The following ZCWPW2 variants were observed in gnomAD, a reference collection of about 807,000 sequenced individuals.
The protein encoded by ZCWPW2 is zinc finger CW-type PWWP domain protein 2.
In ZCWPW2, 45 loss-of-function variants were observed where a neutral mutation model predicts 46.6. The observed-to-expected ratio is 0.96, with a 90% CI of 0.76 to 1.24. The LOEUF (loss-of-function observed/expected upper bound fraction) is 1.24. Among genes scored for constraint, ZCWPW2 ranks in the 50% most tolerant of loss-of-function variants. ZCWPW2 has a pLI of 0.00. For synonymous variants in ZCWPW2, 152 were observed against 137.1 expected, an observed-to-expected ratio of 1.11 and a Z score of -0.76; for missense variants, 429 against 403.9, an observed-to-expected ratio of 1.06 and a Z score of -0.53.
intron 1 of ZCWPW2, among the ~76,000 whole-genome samples, chr3:28,353,118 A>G (rs1237177037): frequency 6.6e-6 from 1 of 152,082 alleles, no homozygotes; most frequent in Non-Finnish European, 1.5e-5. Flanking sequence ...CAGGAGGCAG[A>G]GGCCACAGTG....
At chr3:28,481,476 C>G (rs1419552875) in intron 5 of ZCWPW2, among the ~76,000 whole-genome samples, 1 of 152,152 alleles carries the variant, frequency 6.6e-6, no homozygotes, top group East Asian at 1.9e-4. Context: ...CTCCTGACCT[C>G]AGGTGATCCA....
chr3:28,389,919 AC>A (rs746157601), intron 1 of ZCWPW2, among the ~76,000 whole-genome samples: 3 of 152,156 alleles, frequency 2.0e-5, no homozygotes, highest in Non-Finnish European at 4.4e-5. Flanking sequence ...AATGAGAACC[AC>A]CCACATTATG....
At chr3:28,380,826 C>A (rs905514903) in intron 1 of ZCWPW2, among the ~76,000 whole-genome samples, 6 of 149,422 alleles carry the variant, frequency 4.0e-5, no homozygotes, top group African/African-American at 1.5e-4. Flanking sequence ...CTGTTCCCAC[C>A]CAAGGCCAAA....
chr3:28,362,233 C>T (rs1273446963), intron 1 of ZCWPW2, among the ~76,000 whole-genome samples: 1 of 151,942 alleles, frequency 6.6e-6, no homozygotes, highest in Non-Finnish European at 1.5e-5. Context: ...TCTTGAGATC[C>T]ATTGTACAAC....
At chr3:28,430,426 C>A (rs1438486259) in intron 3 of ZCWPW2, among the ~76,000 whole-genome samples, 7 of 152,220 alleles carry the variant, frequency 4.6e-5, no homozygotes, top group Non-Finnish European at 1.0e-4. Context: ...TAAGAATTAA[C>A]TAACTTGCTT....
At chr3:28,520,919 G>A (rs953867043) in intron 8 of ZCWPW2, 73 bp from the exon 9 acceptor site, 25 of 1,548,738 alleles carry the variant, frequency 1.6e-5, no homozygotes, top group Admixed American at 1.5e-4. Context: ...TTCTTTCTGG[G>A]TAGTTAAGAT....
At chr3:28,370,517 CAAAT>C (rs1030743404) in intron 1 of ZCWPW2, among the ~76,000 whole-genome samples, 12 of 152,018 alleles carry the variant, frequency 7.9e-5, no homozygotes, top group East Asian at 3.8e-4. Flanking sequence ...TCAAAGCAGA[CAAAT>C]AAAACTATTA....
chr3:28,451,179 A>G (rs1698210545), intron 4 of ZCWPW2, among the ~76,000 whole-genome samples: 1 of 152,192 alleles, frequency 6.6e-6, no homozygotes, highest in African/African-American at 2.4e-5. Flanking sequence ...GAGGCCACTA[A>G]TGTTTATATC....
At chr3:28,460,229 G>A (rs1343876259) in intron 4 of ZCWPW2, among the ~76,000 whole-genome samples, 1 of 151,482 alleles carries the variant, frequency 6.6e-6, no homozygotes, top group East Asian at 1.9e-4. Context: ...CTGATGTAAG[G>A]GGTCACACTA....
chr3:28,514,944 T>A (rs1419332084), intron 7 of ZCWPW2, among the ~76,000 whole-genome samples: 1 of 152,136 alleles, frequency 6.6e-6, no homozygotes, highest in East Asian at 1.9e-4. Context: ...AATAACTAAA[T>A]TTTAAAAATG....
intron 2 of ZCWPW2, among the ~76,000 whole-genome samples, chr3:28,396,861 G>T (rs1465090986): frequency 6.6e-6 from 1 of 152,116 alleles, no homozygotes; most frequent in Non-Finnish European, 1.5e-5. Context: ...GGGTGCAGTG[G>T]CTCACACCTG....
chr3:28,369,860 G>T (rs974959176), intron 1 of ZCWPW2, among the ~76,000 whole-genome samples: 6 of 152,174 alleles, frequency 3.9e-5, no homozygotes, highest in Admixed American at 3.9e-4. Flanking sequence ...GCAATGGTGG[G>T]GGCCCCTCCC....
chr3:28,382,115 T>C (rs1159096483), intron 1 of ZCWPW2, among the ~76,000 whole-genome samples: 1 of 149,746 alleles, frequency 6.7e-6, no homozygotes, highest in East Asian at 2.0e-4. Context: ...TGAGCTGAGA[T>C]TGCACTAGTG....
chr3:28,432,082 C>G (rs528458370), intron 3 of ZCWPW2, among the ~76,000 whole-genome samples: 1 of 152,268 alleles, frequency 6.6e-6, no homozygotes, highest in East Asian at 1.9e-4. Flanking sequence ...TACCTCCCAC[C>G]ATGTCCCTCC....
chr3:28,470,657 A>G (rs1699006956), intron 4 of ZCWPW2, among the ~76,000 whole-genome samples: 1 of 152,092 alleles, frequency 6.6e-6, no homozygotes, highest in Non-Finnish European at 1.5e-5. Flanking sequence ...TTTCAAATAA[A>G]CAACCTAATG....
chr3:28,388,496 GTT>G (rs1695364789), intron 1 of ZCWPW2, among the ~76,000 whole-genome samples: 1 of 152,154 alleles, frequency 6.6e-6, no homozygotes, highest in Non-Finnish European at 1.5e-5. Flanking sequence ...CATGTGTGAT[GTT>G]TTCCCTTTTC....
chr3:28,391,472 G>A (rs1469119796), intron 2 of ZCWPW2, among the ~76,000 whole-genome samples: 2 of 152,026 alleles, frequency 1.3e-5, no homozygotes, highest in African/African-American at 4.8e-5. Context: ...ACAACATCCA[G>A]CAATGCAGTG....
chr3:28,387,558 C>G (rs957997256), intron 1 of ZCWPW2, among the ~76,000 whole-genome samples: 1 of 152,132 alleles, frequency 6.6e-6, no homozygotes, highest in Admixed American at 6.6e-5. Context: ...CTCAGTTACT[C>G]TACATCCAGT....
chr3:28,437,334 C>A (rs1278633894), intron 4 of ZCWPW2, among the ~76,000 whole-genome samples: 1 of 152,096 alleles, frequency 6.6e-6, no homozygotes, highest in African/African-American at 2.4e-5. Context: ...AATTAATTAA[C>A]AACTAATTAA....
Sources: allele counts gnomAD v4.1 joint callset (sites outside exome capture counted in the v4.1 genomes callset), GRCh38; gene constraint gnomAD v4.1.1; transcripts MANE v1.5; gene names NCBI Gene and HGNC (gene_info 2026-07-23, HGNC 2026-07-21).